The following MECR variants were observed in gnomAD, a reference collection of about 807,000 sequenced individuals.
MECR encodes mitochondrial trans-2-enoyl-CoA reductase, also known as enoyl-[acyl-carrier-protein] reductase, mitochondrial.
MECR carries 37 observed loss-of-function variants against 49.1 expected under a neutral mutation model. The observed-to-expected ratio is 0.75, with a 90% confidence interval of 0.58 to 0.99. The LOEUF (loss-of-function observed/expected upper bound fraction) is 0.99, where lower values mean the gene tolerates loss of function less well. MECR is among the 50% of genes least tolerant of loss of function. The pLI is 0.00. For synonymous variants in MECR, 198 were observed against 191.1 expected (o/e 1.04, Z -0.30); for missense variants, 470 against 479.6 (o/e 0.98, Z 0.19).
intron 3 of MECR, among the ~76,000 whole-genome samples, chr1:29,214,147 C>T (rs1205288090): frequency 4.6e-5 from 7 of 151,616 alleles, no homozygotes; most frequent in South Asian, 2.1e-4. Flanking sequence ...CTGTAACCTC[C>T]GCCTCCTGGG....
chr1:29,177,287 T>G, the MECR span, among the ~76,000 whole-genome samples: 2 of 151,600 alleles, frequency 1.3e-5, no homozygotes, highest in African/African-American at 2.4e-5. Flanking sequence ...CTTTTTGTTT[T>G]TTTTTTTTTT....
At chr1:29,174,150 C>A in the MECR span, among the ~76,000 whole-genome samples, 1 of 150,306 alleles carries the variant, frequency 6.7e-6, no homozygotes, top group Non-Finnish European at 1.5e-5. Context: ...GATCATGCCA[C>A]TGCACTGCAC....
Position 29,201,265 on chromosome 1 carries a change from G to A in MECR, c.757-676C>T. 1 of 411,618 alleles carries A rather than the reference G, an allele frequency of 2.4e-6. No individual in the cohort carries two copies. Among genetic ancestry groups the A allele is most frequent in the East Asian group, 6.5e-5 (1 of 15,400 alleles). 25.5% of individuals were successfully genotyped at this position (411,618 alleles called of 1,614,324 possible). On this transcript the variant is annotated intron_variant, in intron 6 of 9. Coordinates refer to ENST00000263702, the MANE Select transcript of MECR (RefSeq NM_016011.5). The surrounding 1 kb of genome is among the most constrained non-coding windows in gnomAD (Gnocchi z 4.3). ...CTTTGACTCAGCTGATATTATATAT[G>A]CTGATCTACTGCTTCAGAAATGTTC...
At chr1:29,207,402 G>A (rs1477115298) in intron 3 of MECR, among the ~76,000 whole-genome samples, 1 of 152,106 alleles carries the variant, frequency 6.6e-6, no homozygotes, top group Non-Finnish European at 1.5e-5. Context: ...TTACACACAT[G>A]AGCCACTGTG....
chr1:29,194,283 A>G (rs1307495763), intron 9 of MECR, 104 bp from the exon 10 acceptor site: 27 of 1,313,318 alleles, frequency 2.1e-5, no homozygotes, highest in Non-Finnish European at 2.8e-5. Flanking sequence ...AAGCTCCAAT[A>G]AAGCCTTGAG....
chr1:29,220,571 T>C (rs1168442232), intron 1 of MECR: 1 of 152,254 alleles, frequency 6.6e-6, no homozygotes, highest in Non-Finnish European at 1.5e-5. Flanking sequence ...AGTCTAGGCA[T>C]ACACATCTCA....
At chr1:29,181,967 C>G in the MECR span, 1 of 389,452 alleles carries the variant, frequency 2.6e-6, no homozygotes, top group African/African-American at 2.1e-5. Context: ...GGAGAGAGCG[C>G]GCGTTCGCTT....
In MECR at chr1:29,218,954, A is replaced by C. The variant is rs145282372; in HGVS notation, c.177-2269T>G. Among the ~76,000 whole-genome samples the C allele has an allele frequency of 2.4e-3, 369 of 152,304 alleles. 1 individual carries two copies. The highest frequency in any genetic ancestry group is 8.5e-3 in the African/African-American group (353 of 41,570). The stretch of plus-strand genomic sequence containing the variant: ...TGAGGAACAAAGGCTCTAAGAGGTA[A>C]ACAACTTGCTTATGGCCACTACAAA... On this transcript the variant is annotated intron_variant, in intron 1 of 9. Transcript: ENST00000263702.
At chr1:29,178,859 C>G in the MECR span, among the ~76,000 whole-genome samples, 1 of 152,204 alleles carries the variant, frequency 6.6e-6, no homozygotes, top group East Asian at 1.9e-4. Context: ...CATTGGTCTT[C>G]TTCCCAGAAG....
the MECR span, among the ~76,000 whole-genome samples, chr1:29,177,985 C>A: frequency 6.7e-6 from 1 of 150,126 alleles, no homozygotes; most frequent in Non-Finnish European, 1.5e-5. Flanking sequence ...CTGCAACCTC[C>A]ACCTCCCAGG....
chr1:29,202,182 G>A, intron 5 of MECR, 137 bp from the exon 6 acceptor site: 3 of 710,914 alleles, frequency 4.2e-6, no homozygotes, highest in Non-Finnish European at 7.3e-6. Context: ...CCAGGCTTGA[G>A]CAGGGACCAG....
At chr1:29,204,674 T>C (rs909835313) in intron 4 of MECR, among the ~76,000 whole-genome samples, 22 of 152,112 alleles carry the variant, frequency 1.4e-4, no homozygotes, top group African/African-American at 5.3e-4. Context: ...GGCAGGAAAG[T>C]GGAGAGGTGT....
chr1:29,198,868 C>T (rs112357797), intron 7 of MECR, among the ~76,000 whole-genome samples: 1,851 of 152,296 alleles, frequency 0.012, 43 homozygotes, highest in African/African-American at 0.042. Context: ...CCACTTGCCT[C>T]GGCCTCCCAA....
At chr1:29,223,371 G>A (rs1189324486) in intron 1 of MECR, 5 of 808,670 alleles carry the variant, frequency 6.2e-6, no homozygotes, top group African/African-American at 5.6e-5. Flanking sequence ...TATACTTGCT[G>A]TGTAAGGTGG....
chr1:29,190,834 C>CT (rs1379892642), downstream of MECR, among the ~76,000 whole-genome samples: 11 of 149,680 alleles, frequency 7.3e-5, no homozygotes, highest in African/African-American at 2.5e-4. Context: ...TCCTAAGAAA[C>CT]TGACGCCTAA....
At chr1:29,230,422 A>C (rs185119753) in intron 1 of MECR, 6 of 340,036 alleles carry the variant, frequency 1.8e-5, no homozygotes, top group Non-Finnish European at 3.2e-5. Context: ...AAATGGGGAT[A>C]AATCAATAAC....
Position 29,203,126 on chromosome 1 carries a change from C to G in MECR, c.653+5G>C. 6.4e-7 allele frequency: 1 copy of G among 1,565,716 alleles called. No individual in the cohort carries two copies. The highest frequency in any genetic ancestry group is 1.4e-5 in the African/African-American group (1 of 73,810). On this transcript the variant is annotated splice_donor_5th_base_variant and intron_variant, in intron 5 of 9. Coordinates refer to ENST00000263702, the MANE Select transcript of MECR (RefSeq NM_016011.5). ...GTCTGGGATGAAGCCTCCTTCCCCA[C>G]GCACCTGTCTCGGACCACATTGATG...
At position 29,193,963 on chromosome 1, in the gene MECR, T is replaced by A; in HGVS notation, c.*59A>T. On this transcript the variant is annotated 3_prime_UTR_variant, in exon 10 of 10. Transcript: ENST00000263702. ...AGGTGGGAGCCCCAACTGAGGGGCC[T>A]GCACCCAGCCCCTCAGATCCGCCTC... 6.3e-7 allele frequency: 1 copy of A among 1,593,198 alleles called. No homozygotes were observed.
the MECR span, chr1:29,170,607 A>G: frequency 3.9e-5 from 6 of 152,170 alleles, no homozygotes; most frequent in Non-Finnish European, 8.8e-5. Context: ...TTTATTAATT[A>G]GTGGATGCCA....
Sources: gnomAD v4.1 joint callset for allele counts (sites outside exome capture counted in the v4.1 genomes callset) on GRCh38, gnomAD v4.1.1 for gene constraint, Gnocchi (gnomAD v3.1) non-coding constraint, MANE v1.5 for transcripts, NCBI Gene and HGNC (gene_info 2026-07-23, HGNC 2026-07-21) for gene names.